The following ARK2N variants were observed in gnomAD, a reference collection of about 807,000 sequenced individuals.
The protein encoded by ARK2N is protein ARK2N.
chr18:46,179,814 G>A, the ARK2N span, among the ~76,000 whole-genome samples: 657 of 152,100 alleles, frequency 4.3e-3, 3 homozygotes, highest in African/African-American at 0.015. Context: ...TAGTAGAGAA[G>A]GGGTTTCTCC....
At chr18:46,205,097 G>A in the ARK2N span, among the ~76,000 whole-genome samples, 9 of 152,018 alleles carry the variant, frequency 5.9e-5, no homozygotes, top group South Asian at 1.5e-3. Flanking sequence ...TGGTAGAGAC[G>A]GGTTTTTACC....
chr18:46,218,324 C>T, the ARK2N span: 1 of 152,150 alleles, frequency 6.6e-6, no homozygotes, highest in Non-Finnish European at 1.5e-5. Context: ...AACTGAACAC[C>T]AAAGTAAATT....
the ARK2N span, among the ~76,000 whole-genome samples, chr18:46,260,922 T>C: frequency 3.8e-4 from 58 of 152,246 alleles, no homozygotes; most frequent in Non-Finnish European, 7.3e-4. Context: ...TTAGATCAGA[T>C]TTTTTAAAAA....
At chr18:46,263,996 A>G in the ARK2N span, 3 of 152,436 alleles carry the variant, frequency 2.0e-5, no homozygotes, top group East Asian at 1.9e-4. Flanking sequence ...CTCTGAGGCT[A>G]CAGGCACTTG....
At chr18:46,210,016 C>A in the ARK2N span, among the ~76,000 whole-genome samples, 1 of 152,240 alleles carries the variant, frequency 6.6e-6, no homozygotes, top group African/African-American at 2.4e-5. Flanking sequence ...TCTCAACTTG[C>A]CTTTACCCAT....
chr18:46,206,113 C>A, the ARK2N span, among the ~76,000 whole-genome samples: 2 of 143,518 alleles, frequency 1.4e-5, no homozygotes, highest in Admixed American at 1.4e-4. Context: ...CTTTTTTTTT[C>A]TTTGCTCTGT....
At chr18:46,174,809 AG>A in the ARK2N span, among the ~76,000 whole-genome samples, 1 of 152,116 alleles carries the variant, frequency 6.6e-6, no homozygotes, top group Admixed American at 6.5e-5. Context: ...CTCCGAGAGT[AG>A]GGGGTCTGGC....
the ARK2N span, among the ~76,000 whole-genome samples, chr18:46,192,533 T>C: frequency 1.3e-5 from 2 of 151,110 alleles, no homozygotes; most frequent in Non-Finnish European, 2.9e-5. Flanking sequence ...GCTGAGATCA[T>C]GCCACTGCAT....
chr18:46,213,782 C>T, the ARK2N span, among the ~76,000 whole-genome samples: 4 of 152,096 alleles, frequency 2.6e-5, no homozygotes, highest in East Asian at 3.9e-4. Context: ...CTGCAACCTC[C>T]GCCTCCCAGG....
At chr18:46,199,941 C>T in the ARK2N span, among the ~76,000 whole-genome samples, 1 of 152,130 alleles carries the variant, frequency 6.6e-6, no homozygotes, top group African/African-American at 2.4e-5. Flanking sequence ...TGTGTGATTT[C>T]TAGCTCGTTG....
the ARK2N span, among the ~76,000 whole-genome samples, chr18:46,241,192 A>G: frequency 6.8e-3 from 1,033 of 152,248 alleles, 18 homozygotes; most frequent in African/African-American, 0.024. Flanking sequence ...ATAATCTTTG[A>G]TTGGAATTAC....
the ARK2N span, chr18:46,228,999 C>T: frequency 2.6e-6 from 1 of 385,666 alleles, no homozygotes; most frequent in Non-Finnish European, 4.6e-6. Context: ...GAAGTTTTGG[C>T]AGAAAGATAA....
chr18:46,249,060 CAG>C, the ARK2N span, among the ~76,000 whole-genome samples: 2 of 152,136 alleles, frequency 1.3e-5, no homozygotes, highest in Non-Finnish European at 2.9e-5. Context: ...ACTTACCTGG[CAG>C]AGTCTGATCC....
the ARK2N span, among the ~76,000 whole-genome samples, chr18:46,229,971 G>C: frequency 1.3e-5 from 2 of 152,024 alleles, no homozygotes; most frequent in African/African-American, 4.8e-5. Context: ...TTGTCGCCCA[G>C]GCTATAGTGC....
chr18:46,183,144 C>A, the ARK2N span, among the ~76,000 whole-genome samples: 1 of 151,982 alleles, frequency 6.6e-6, no homozygotes, highest in Non-Finnish European at 1.5e-5. Flanking sequence ...TCCCTCTTAT[C>A]TCATAAATGT....
chr18:46,178,946 A>G, the ARK2N span, among the ~76,000 whole-genome samples: 2 of 151,838 alleles, frequency 1.3e-5, no homozygotes, highest in African/African-American at 4.8e-5. Context: ...AGTTGAGTGA[A>G]TACAAATTTT....
the ARK2N span, among the ~76,000 whole-genome samples, chr18:46,259,772 CTGTG>C: frequency 0.017 from 1,731 of 104,842 alleles, 45 homozygotes; most frequent in African/African-American, 0.056. Context: ...CACCCAGCTA[CTGTG>C]TGTGTGTGTG....
the ARK2N span, among the ~76,000 whole-genome samples, chr18:46,186,291 G>A: frequency 6.6e-6 from 1 of 151,320 alleles, no homozygotes; most frequent in African/African-American, 2.4e-5. Flanking sequence ...CACCTCCCAG[G>A]TTCAAGCGAT....
the ARK2N span, among the ~76,000 whole-genome samples, chr18:46,191,280 G>A: frequency 6.6e-6 from 1 of 152,042 alleles, no homozygotes; most frequent in African/African-American, 2.4e-5. Context: ...TTAACATATT[G>A]CATTAGTCTG....
Sources: allele counts gnomAD v4.1 joint callset (sites outside exome capture counted in the v4.1 genomes callset), GRCh38; gene constraint gnomAD v4.1.1; transcripts MANE v1.5; gene names NCBI Gene and HGNC (gene_info 2026-07-23, HGNC 2026-07-21).